PHLDB2: variants seen among roughly 807,000 people sequenced by gnomAD.
PHLDB2 encodes the protein pleckstrin homology-like domain family B member 2.
Under a neutral mutation model 123.6 loss-of-function variants are expected in PHLDB2, and 71 were observed. That is an observed-to-expected ratio of 0.57 (90% confidence interval 0.47 to 0.70). The LOEUF (loss-of-function observed/expected upper bound fraction) is 0.70. Ranked by LOEUF, PHLDB2 falls within the 30% of genes least tolerant of loss-of-function variation. The probability of loss-of-function intolerance (pLI) is 0.00; values close to 1 mark genes in which losing one functional copy is unlikely to be tolerated. For missense variants in PHLDB2, 1,446 were observed against 1,519.5 expected (o/e 0.95, Z 0.80); for synonymous variants, 547 against 541.6 (o/e 1.01, Z -0.14).
chr3:111,930,067 A>G (rs1577111590), intron 5 of PHLDB2, among the ~76,000 whole-genome samples: 1 of 150,222 alleles, frequency 6.7e-6, no homozygotes, highest in Non-Finnish European at 1.5e-5. Flanking sequence ...ACCTGCCACC[A>G]TGCCCAGCTA....
At chr3:111,745,327 A>G (rs919088940) in intron 1 of PHLDB2, among the ~76,000 whole-genome samples, 1 of 152,220 alleles carries the variant, frequency 6.6e-6, no homozygotes, top group Non-Finnish European at 1.5e-5. Context: ...AAGATCACCA[A>G]CATATACCAA....
chr3:111,958,044 G>A (rs2071164015), intron 12 of PHLDB2: 1 of 154,726 alleles, frequency 6.5e-6, no homozygotes, highest in South Asian at 2.1e-4. Flanking sequence ...AAGGTTTCTT[G>A]AGTTTTTCTC....
chr3:111,886,427 AC>A (rs1207054554), intron 2 of PHLDB2, among the ~76,000 whole-genome samples: 1 of 149,422 alleles, frequency 6.7e-6, no homozygotes, highest in East Asian at 2.0e-4. Flanking sequence ...GTTTCTTAAA[AC>A]ATTATGAGAT....
intron 8 of PHLDB2, among the ~76,000 whole-genome samples, chr3:111,943,022 A>G (rs2070015547): frequency 6.6e-6 from 1 of 152,044 alleles, no homozygotes; most frequent in South Asian, 2.1e-4. Flanking sequence ...TTCGTGGCAA[A>G]ATTATATAAC....
chr3:111,760,475 A>G (rs1042773274), intron 1 of PHLDB2, among the ~76,000 whole-genome samples: 5 of 152,180 alleles, frequency 3.3e-5, no homozygotes, highest in Admixed American at 1.3e-4. Context: ...CTATTTTTCA[A>G]TTAGGAAAAG....
At chr3:111,794,127 C>G (rs1222163177) in intron 1 of PHLDB2, among the ~76,000 whole-genome samples, 1 of 151,944 alleles carries the variant, frequency 6.6e-6, no homozygotes, top group African/African-American at 2.4e-5. Flanking sequence ...TATTTAGGAC[C>G]CCAGACCACT....
chr3:111,745,855 C>T (rs188014659), intron 1 of PHLDB2, among the ~76,000 whole-genome samples: 1 of 152,082 alleles, frequency 6.6e-6, no homozygotes, highest in Admixed American at 6.6e-5. Flanking sequence ...AAAATTTGCC[C>T]CAGGCCACTT....
At position 111,816,940 on chromosome 3, in the gene PHLDB2, G is replaced by A. The variant is rs538344533; in HGVS notation, c.-48-28881G>A. Among the ~76,000 whole-genome samples the A allele has an allele frequency of 1.2e-4, 18 of 152,296 alleles. 1 individual carries two copies. In the South Asian group the frequency reaches 3.7e-3, roughly 32 times the overall value. On this transcript the variant is annotated intron_variant, in intron 1 of 17. Coordinates refer to the PHLDB2 transcript ENST00000393923. ...GCAGTGTTCTCATGATAATGAATGA[G>A]TCTCACAAGATCTAATAGTTTCAAA...
chr3:111,882,611 G>A (rs1012546040), intron 1 of PHLDB2, among the ~76,000 whole-genome samples: 5 of 152,174 alleles, frequency 3.3e-5, no homozygotes, highest in Admixed American at 6.5e-5. Context: ...ATCTATCTGG[G>A]CAGGGCTTTG....
chr3:111,923,601 T>A (rs1235651009), intron 5 of PHLDB2, among the ~76,000 whole-genome samples: 1 of 152,178 alleles, frequency 6.6e-6, no homozygotes, highest in Non-Finnish European at 1.5e-5. Context: ...AACACACCCA[T>A]AACTGAACTC....
Position 111,868,621 on chromosome 3 carries a change from T to TTA in PHLDB2, c.-15+9059_-15+9060dup, listed in dbSNP as rs112734384. On this transcript the variant is annotated intron_variant, in intron 1 of 17. Coordinates refer to ENST00000431670, the MANE Select transcript of PHLDB2 (RefSeq NM_001134438.2). ...ACTTTTAATTTGTGTTGAGCTGAAT[T>TTA]TATATATATATATATGTGTGTGTAT... Among the ~76,000 whole-genome samples, 575 of 150,668 alleles carry TTA rather than the reference T, an allele frequency of 3.8e-3. 5 individuals carry two copies. Among genetic ancestry groups the TTA allele is most frequent in the Middle Eastern group, 6.8e-3 (2 of 292 alleles).
chr3:111,963,096 T>C (rs543492211), intron 13 of PHLDB2, among the ~76,000 whole-genome samples: 2 of 152,302 alleles, frequency 1.3e-5, no homozygotes, highest in East Asian at 3.9e-4. Flanking sequence ...TTTGTATTTA[T>C]ACTTTGAGAC....
At chr3:111,965,985 G>C (rs2071723220) in intron 13 of PHLDB2, among the ~76,000 whole-genome samples, 1 of 151,962 alleles carries the variant, frequency 6.6e-6, no homozygotes, top group African/African-American at 2.4e-5. Flanking sequence ...TTTCTCATTG[G>C]TATCATGAGG....
At chr3:111,742,439 T>A (rs909229052) in intron 1 of PHLDB2, among the ~76,000 whole-genome samples, 3 of 152,150 alleles carry the variant, frequency 2.0e-5, no homozygotes, top group Non-Finnish European at 4.4e-5. Flanking sequence ...TAGGTATATC[T>A]CCTAATGCTA....
chr3:111,933,360 T>C (rs996921359), intron 6 of PHLDB2, among the ~76,000 whole-genome samples: 2 of 152,230 alleles, frequency 1.3e-5, no homozygotes, highest in African/African-American at 4.8e-5. Context: ...TTGAAAAATT[T>C]ATTGAGATAG....
chr3:111,859,262 C>G (rs2064668119), upstream of PHLDB2: 4 of 985,512 alleles, frequency 4.1e-6, no homozygotes, highest in Non-Finnish European at 4.8e-6. Flanking sequence ...CACGAAAGTC[C>G]CTACTGCGTT....
chr3:111,791,405 G>A (rs566835411), intron 1 of PHLDB2, among the ~76,000 whole-genome samples: 1 of 152,282 alleles, frequency 6.6e-6, no homozygotes, highest in East Asian at 1.9e-4. Flanking sequence ...AGGACTCACA[G>A]GACTAACTCA....
At chr3:111,874,681 G>A (rs927413605) in intron 1 of PHLDB2, among the ~76,000 whole-genome samples, 1 of 152,152 alleles carries the variant, frequency 6.6e-6, no homozygotes, top group African/African-American at 2.4e-5. Context: ...CAAAGCAAGG[G>A]ACATAGCCAC....
At chr3:111,872,599 T>C (rs1278978814) in intron 1 of PHLDB2, among the ~76,000 whole-genome samples, 1 of 152,214 alleles carries the variant, frequency 6.6e-6, no homozygotes, top group Non-Finnish European at 1.5e-5. Context: ...TTCATCCTCC[T>C]GCCTCTTCTC....
Sources: gnomAD v4.1 joint callset for allele counts (sites outside exome capture counted in the v4.1 genomes callset) on GRCh38, gnomAD v4.1.1 for gene constraint, MANE v1.5 for transcripts, NCBI Gene and HGNC (gene_info 2026-07-23, HGNC 2026-07-21) for gene names.